The following OTOF variants were observed in gnomAD, a reference collection of about 807,000 sequenced individuals.
The protein encoded by OTOF is fer-1-like family member 2.
Under a neutral mutation model 236.8 loss-of-function variants are expected in OTOF, and 218 were observed. The ratio of observed to expected loss-of-function variants is 0.92; its 90% CI spans 0.82 to 1.03. The LOEUF is 1.03. OTOF is among the 50% of genes least tolerant of loss of function. The pLI is 0.00. For synonymous variants in OTOF, 1,041 were observed against 1,072.5 expected, an observed-to-expected ratio of 0.97 and a Z score of 0.57; for missense variants, 2,590 against 2,694.4, an observed-to-expected ratio of 0.96 and a Z score of 0.86.
chr2:26,555,080 C>T (rs890677335), intron 1 of OTOF, among the ~76,000 whole-genome samples: 1 of 152,214 alleles, frequency 6.6e-6, no homozygotes, highest in East Asian at 1.9e-4. Flanking sequence ...GGACCCTTCA[C>T]ACCCTGCGTT....
chr2:26,485,006 A>C (rs781630342), intron 11 of OTOF, among the ~76,000 whole-genome samples: 9 of 152,106 alleles, frequency 5.9e-5, no homozygotes, highest in Non-Finnish European at 1.2e-4. Context: ...GTGGAGGCTC[A>C]TGCTCCTGCT....
Position 26,470,967 on chromosome 2 carries a change from A to C in OTOF, c.3894+154T>G, listed in dbSNP as rs1339794036. 6.6e-6 allele frequency among the ~76,000 whole-genome samples: 1 copy of C among 152,144 alleles called. No individual in the cohort carries two copies. Among genetic ancestry groups the C allele is most frequent in the Admixed American group, 6.5e-5 (1 of 15,286 alleles). ...CTGGCACCGAGTCCTGCACTCACCC[A>C]GCTCTTTTCCACTGCATCTTAGGGG... On this transcript the variant is annotated intron_variant, in intron 31 of 46. Coordinates refer to ENST00000272371, the MANE Select transcript of OTOF (RefSeq NM_194248.3). This position sits in a 1 kb window ranked among gnomAD's most constrained non-coding sequence, Gnocchi z 4.3.
chr2:26,480,892 C>CG lies in OTOF; in HGVS notation c.1696dup (p.Arg566ProfsTer19). ...AGCCAGGCCCAGCAGGAGCCGGGCC[C>CG]GGAAGGACACACCCTCCCCCAGGCC... On this transcript the variant is annotated frameshift_variant, in exon 15 of 47. Coordinates refer to ENST00000272371, the MANE Select transcript of OTOF (RefSeq NM_194248.3). LOFTEE classifies it high-confidence loss of function. 1 of 1,612,932 alleles carries CG rather than the reference C, an allele frequency of 6.2e-7. No homozygotes were observed. The highest frequency in any genetic ancestry group is 8.5e-7 in the Non-Finnish European group (1 of 1,179,922).
chr2:26,499,410 G>A (rs775778651), intron 8 of OTOF, among the ~76,000 whole-genome samples: 6 of 152,142 alleles, frequency 3.9e-5, no homozygotes, highest in African/African-American at 7.2e-5. Flanking sequence ...TCTCACCAAC[G>A]AGGTGTCCTT....
intron 11 of OTOF, among the ~76,000 whole-genome samples, chr2:26,485,521 G>A (rs1572441667): frequency 6.6e-6 from 1 of 152,248 alleles, no homozygotes; most frequent in African/African-American, 2.4e-5. Flanking sequence ...AAGGACGGAT[G>A]TCAGGGAAGG....
chr2:26,464,034 C>T lies in OTOF; in HGVS notation c.5033G>A (p.Gly1678Asp). 1 of 1,613,710 alleles carries T rather than the reference C, an allele frequency of 6.2e-7. No individual in the cohort carries two copies. Among genetic ancestry groups the T allele is most frequent in the African/African-American group, 1.3e-5 (1 of 75,058 alleles). ...LRHWEDIPRA[G>D]CRLVPEHVET... Reference sequence around the variant, plus strand: ...CACATGCTCTGGCACCAGGCGGCAGCCTGCGCGGGGGATGTCCTCCCAGTG... The same window carrying T: ...CACATGCTCTGGCACCAGGCGGCAGTCTGCGCGGGGGATGTCCTCCCAGTG... Residue 1678 changes from glycine (G) to aspartate (D), a missense_variant, in exon 40 of 47, where the codon GGC (glycine) becomes GAC (aspartate). Coordinates refer to ENST00000272371, the MANE Select transcript of OTOF (RefSeq NM_194248.3).
chr2:26,491,852 T>C lies in OTOF; in HGVS notation c.898-2112A>G, dbSNP rs192955039. Among the ~76,000 whole-genome samples the C allele has an allele frequency of 3.3e-5, 5 of 152,370 alleles. No homozygotes were observed. In the East Asian group the frequency reaches 7.7e-4, roughly 23 times the overall value. Reference sequence around the variant, plus strand: ...CCCCAGGGGAGCGAGCTAGCTGAGCTAGAGCCAGAATCCCGAACTCTCTGA... The same window carrying C: ...CCCCAGGGGAGCGAGCTAGCTGAGCCAGAGCCAGAATCCCGAACTCTCTGA... On this transcript the variant is annotated intron_variant, in intron 9 of 46. Transcript: ENST00000272371.
rs557455466 is a variant in OTOF, at chr2:26,500,668, TG to T, written c.765+1085del. Among the ~76,000 whole-genome samples, 266 of 152,338 alleles carry T rather than the reference TG, an allele frequency of 1.7e-3. 2 individuals are homozygous for T. Among genetic ancestry groups the T allele is most frequent in the Middle Eastern group, 0.014 (4 of 294 alleles). ...TTTTTCAGGCACCTGGGAAGACAGT[TG>T]CCTGAGTAGATGGAAACTAACTAAA... On this transcript the variant is annotated intron_variant, in intron 8 of 46. Transcript: ENST00000272371.
intron 2 of OTOF, among the ~76,000 whole-genome samples, chr2:26,531,390 A>G (rs4665334): frequency 0.72 from 109,241 of 151,780 alleles, 40,740 homozygotes; most frequent in African/African-American, 0.88. Flanking sequence ...CTGTGAAAAG[A>G]GGGGGGTGAC....
chr2:26,494,292 C>T (rs1482104744), intron 9 of OTOF, among the ~76,000 whole-genome samples: 1 of 152,226 alleles, frequency 6.6e-6, no homozygotes, highest in Non-Finnish European at 1.5e-5. Context: ...GGAGTGGGTA[C>T]CAAATGTTTT....
chr2:26,494,074 G>A (rs770998042), intron 9 of OTOF, among the ~76,000 whole-genome samples: 1 of 152,222 alleles, frequency 6.6e-6, no homozygotes, highest in African/African-American at 2.4e-5. Context: ...GAACCAAGGT[G>A]CCATATTTGT....
intron 1 of OTOF, among the ~76,000 whole-genome samples, chr2:26,548,329 T>C (rs1205597899): frequency 1.3e-5 from 2 of 152,222 alleles, no homozygotes; most frequent in Admixed American, 1.3e-4. Flanking sequence ...TTTATTGAAA[T>C]ATAATTCACA....
intron 36 of OTOF, 28 bp from the exon 37 acceptor site, chr2:26,466,104 C>G (rs754442389): frequency 1.1e-5 from 18 of 1,613,816 alleles, no homozygotes; most frequent in Non-Finnish European, 1.5e-5. Flanking sequence ...GCTGCCTGAG[C>G]AGGCTCCCAT....
At chr2:26,494,166 G>C (rs930883748) in intron 9 of OTOF, among the ~76,000 whole-genome samples, 1 of 152,256 alleles carries the variant, frequency 6.6e-6, no homozygotes, top group Non-Finnish European at 1.5e-5. Flanking sequence ...GAGATTGTGG[G>C]CAAGGCCCTT....
chr2:26,511,017 ACCTCAGG>A (rs768194729), intron 5 of OTOF, among the ~76,000 whole-genome samples: 20 of 152,166 alleles, frequency 1.3e-4, no homozygotes, highest in Non-Finnish European at 2.2e-4. Context: ...AAGCTCTGAT[ACCTCAGG>A]GCCTCAGCTC....
chr2:26,480,157 C>G (rs761257184), intron 16 of OTOF, 46 bp downstream of exon 16: 1 of 1,135,476 alleles, frequency 8.8e-7, no homozygotes, highest in Non-Finnish European at 1.3e-6. Context: ...CCCCCGTGGG[C>G]CCAGCACTCA....
intron 32 of OTOF, among the ~76,000 whole-genome samples, chr2:26,469,323 C>T (rs1413063263): frequency 6.6e-6 from 1 of 152,202 alleles, no homozygotes; most frequent in East Asian, 1.9e-4. Flanking sequence ...GGAGTAGAGA[C>T]GACAACAGGC....
chr2:26,457,904 A>T lies in OTOF; in HGVS notation c.*334T>A, dbSNP rs1664261776. The T allele has an allele frequency of 2.3e-6, 2 of 883,246 alleles. No homozygotes were observed. The highest frequency in any genetic ancestry group is 3.5e-6 in the Non-Finnish European group (2 of 568,718). The allele number at this position is 883,246 out of a possible 1,614,324, so 54.7% of individuals were successfully genotyped here. A position where few individuals can be genotyped will look rare whatever the true frequency, so the allele number is the denominator to read the frequency against. On this transcript the variant is annotated 3_prime_UTR_variant, in exon 47 of 47. Transcript: ENST00000272371. This position sits in a 1 kb window ranked among gnomAD's most constrained non-coding sequence, Gnocchi z 4.4. ...GTGAGGACAGGCGGCCCCCGCAAGC[A>T]GGAGGCAGGCTCGGCCCAAGGCATG...
At position 26,465,818 on chromosome 2, in the gene OTOF, G is replaced by A. The variant is rs756466795; in HGVS notation, c.4653C>T (p.Phe1551=). The change falls in exon 38 of 47, where the codon TTC becomes TTT. Residue 1551 remains phenylalanine, a synonymous_variant. Transcript: ENST00000272371. ...FGKSFDIEAS[F]PMESMLTVAV... ...CCACCGTCAGCATGGATTCCATGGG[G>A]AAGGAGGCCTCGATGTCAAAGGACC... 1.2e-6 allele frequency: 2 copies of A among 1,614,238 alleles called. No individual in the cohort carries two copies. The highest frequency in any genetic ancestry group is 1.7e-6 in the Non-Finnish European group (2 of 1,180,048).
Sources: allele counts gnomAD v4.1 joint callset (sites outside exome capture counted in the v4.1 genomes callset), GRCh38; gene constraint gnomAD v4.1.1; non-coding constraint Gnocchi (gnomAD v3.1); transcripts MANE v1.5; gene names NCBI Gene and HGNC (gene_info 2026-07-23, HGNC 2026-07-21).